The following DYM variants were observed in gnomAD, a reference collection of about 807,000 sequenced individuals.
The protein encoded by DYM is dymeclin, also known as dyggve-Melchior-Clausen syndrome protein.
Under a neutral mutation model 93.1 loss-of-function variants are expected in DYM, and 78 were observed. The ratio of observed to expected loss-of-function variants is 0.84; its 90% CI spans 0.70 to 1.01. The LOEUF is 1.01. Among genes scored for constraint, DYM ranks in the 50% least tolerant of loss-of-function variants. DYM has a pLI of 0.00. For missense variants in DYM, 789 were observed against 845.0 expected (o/e 0.93, Z 0.82); for synonymous variants, 321 against 319.7 (o/e 1.00, Z -0.04).
chr18:49,282,890 C>A (rs557490376), intron 9 of DYM, among the ~76,000 whole-genome samples: 6 of 152,044 alleles, frequency 3.9e-5, no homozygotes, highest in African/African-American at 7.2e-5. Flanking sequence ...ATAGAAAATT[C>A]TCTTTTAAGA....
At chr18:49,288,757 G>A (rs1237119799) in intron 8 of DYM, among the ~76,000 whole-genome samples, 10 of 151,768 alleles carry the variant, frequency 6.6e-5, no homozygotes, top group Admixed American at 6.6e-4. Flanking sequence ...TCCAGCCTGG[G>A]CGACAGAGTA....
intron 6 of DYM, among the ~76,000 whole-genome samples, chr18:49,353,762 G>C (rs536920732): frequency 8.1e-4 from 123 of 152,038 alleles, no homozygotes; most frequent in African/African-American, 2.8e-3. Context: ...ATAAAACTTT[G>C]ATGAAAGAAA....
intron 17 of DYM, among the ~76,000 whole-genome samples, chr18:49,055,508 A>T (rs749353750): frequency 6.6e-6 from 1 of 152,110 alleles, no homozygotes; most frequent in Non-Finnish European, 1.5e-5. Flanking sequence ...AAGGTAGGAG[A>T]TGGGGGCAAA....
intron 14 of DYM, among the ~76,000 whole-genome samples, chr18:49,174,128 T>C (rs1197988219): frequency 2.6e-5 from 4 of 152,162 alleles, no homozygotes; most frequent in Non-Finnish European, 5.9e-5. Context: ...AGTTTTCTTT[T>C]TAAGTCTAAT....
chr18:49,108,389 G>C (rs191721251), intron 16 of DYM, among the ~76,000 whole-genome samples: 1 of 152,208 alleles, frequency 6.6e-6, no homozygotes, highest in Non-Finnish European at 1.5e-5. Flanking sequence ...TTCGGCTCAC[G>C]CGCAGTGCGC....
At chr18:49,390,861 T>A (rs1471885544) in intron 3 of DYM, 2 of 153,320 alleles carry the variant, frequency 1.3e-5, no homozygotes, top group Admixed American at 6.5e-5. Flanking sequence ...TCCTGTACCC[T>A]AGGTATTTCA....
At position 49,335,399 on chromosome 18, in the gene DYM, T is replaced by C. The variant is rs182841091; in HGVS notation, c.495-1546A>G. On this transcript the variant is annotated intron_variant, in intron 6 of 17. Coordinates refer to ENST00000675505, the MANE Select transcript of DYM (RefSeq NM_001353214.3). ...AGAACCCAGAAGGTGGAGGTTGCAG[T>C]GAGCTGAGATTACACCACTGCACTC... is the stretch of plus-strand genomic sequence containing the variant. 1.7e-3 allele frequency among the ~76,000 whole-genome samples: 265 copies of C among 152,258 alleles called. 1 individual carries two copies. Among genetic ancestry groups the C allele is most frequent in the Non-Finnish European group, 8.5e-4 (58 of 68,022 alleles).
chr18:49,070,802 G>A (rs1237587575), intron 17 of DYM, among the ~76,000 whole-genome samples: 4 of 152,178 alleles, frequency 2.6e-5, no homozygotes, highest in Non-Finnish European at 5.9e-5. Context: ...TGTAGGAAAA[G>A]GAATGTTAGC....
chr18:49,377,521 C>T (rs1393683884), intron 5 of DYM, among the ~76,000 whole-genome samples: 1 of 152,060 alleles, frequency 6.6e-6, no homozygotes, highest in Non-Finnish European at 1.5e-5. Context: ...GATCGCACCA[C>T]TGCATTCCAG....
chr18:49,396,331 G>A lies in DYM; in HGVS notation c.141-4686C>T, dbSNP rs796522231. Among the ~76,000 whole-genome samples, 53 of 152,212 alleles carry A rather than the reference G, an allele frequency of 3.5e-4. 1 individual carries two copies. Among genetic ancestry groups the A allele is most frequent in the African/African-American group, 1.2e-3 (51 of 41,546 alleles). The stretch of plus-strand genomic sequence containing the variant: ...GAACTACCATATAATCCAATAATCC[G>A]ACTGTTGGGTATAAACATTGAGCAT... On this transcript the variant is annotated intron_variant, in intron 2 of 17. Transcript: ENST00000675505.
intron 1 of DYM, among the ~76,000 whole-genome samples, chr18:49,439,772 G>A (rs2081169760): frequency 6.6e-6 from 1 of 152,096 alleles, no homozygotes; most frequent in Admixed American, 6.5e-5. Flanking sequence ...GGGAGGCTAA[G>A]GTACAAGGAT....
chr18:49,069,550 G>T (rs937426596), intron 17 of DYM, among the ~76,000 whole-genome samples: 1 of 152,298 alleles, frequency 6.6e-6, no homozygotes, highest in Middle Eastern at 3.4e-3. Context: ...GAAAAGTAAG[G>T]CTTGTGTGTT....
rs145256840 is a variant in DYM, at chr18:49,449,989, G to C, written c.-54+10409C>G. ...GAGATCTCTAAAGTTTTATATGCAAGGCTTATAAAAACAGTGAAATGTGTT... is the reference window on the plus strand; with the variant it reads ...GAGATCTCTAAAGTTTTATATGCAACGCTTATAAAAACAGTGAAATGTGTT... On this transcript the variant is annotated intron_variant, in intron 1 of 17. Coordinates refer to ENST00000675505, the MANE Select transcript of DYM (RefSeq NM_001353214.3). Among the ~76,000 whole-genome samples, 9 of 152,110 alleles carry C rather than the reference G, an allele frequency of 5.9e-5. No individual in the cohort carries two copies. The East Asian group carries it at 1.5e-3, about 26-fold the overall frequency.
At chr18:49,135,374 A>G (rs140422960) in intron 15 of DYM, among the ~76,000 whole-genome samples, 4 of 152,328 alleles carry the variant, frequency 2.6e-5, no homozygotes, top group African/African-American at 9.6e-5. Flanking sequence ...TTAACAGGCC[A>G]GGCTCCTTAT....
chr18:49,452,213 C>T (rs1446232707), intron 1 of DYM, among the ~76,000 whole-genome samples: 3 of 152,150 alleles, frequency 2.0e-5, no homozygotes, highest in East Asian at 1.9e-4. Context: ...TTCGTGCTCT[C>T]GCTGGCTTAG....
At chr18:49,168,612 T>C (rs1193059478) in intron 14 of DYM, among the ~76,000 whole-genome samples, 4 of 152,182 alleles carry the variant, frequency 2.6e-5, no homozygotes, top group African/African-American at 9.7e-5. Context: ...CCTGGACTTT[T>C]ATTCTATTCG....
At chr18:49,367,447 T>C (rs2066622519) in intron 5 of DYM, among the ~76,000 whole-genome samples, 1 of 152,166 alleles carries the variant, frequency 6.6e-6, no homozygotes, top group South Asian at 2.1e-4. Context: ...TCAGCATCCA[T>C]TCAGCACCAT....
rs1305899424 is a variant in DYM, at chr18:49,394,887, A to AGT, written c.141-3243_141-3242insAC. On this transcript the variant is annotated intron_variant, in intron 2 of 17. Transcript: ENST00000675505. ...TTGACAAAGGCATCAAGAACACACA[A>AGT]TGGGGAAAGAACAATCTCTTCAACA... Among the ~76,000 whole-genome samples the AGT allele has an allele frequency of 1.7e-3, 263 of 152,328 alleles. 4 individuals are homozygous for AGT. The highest frequency in any genetic ancestry group is 5.3e-4 in the Non-Finnish European group (36 of 68,048).
At chr18:49,287,957 T>C (rs775584278) in intron 8 of DYM, among the ~76,000 whole-genome samples, 1 of 151,758 alleles carries the variant, frequency 6.6e-6, no homozygotes, top group Non-Finnish European at 1.5e-5. Flanking sequence ...AAAATACACA[T>C]GAAAATTTGA....
Sources: allele counts gnomAD v4.1 joint callset (sites outside exome capture counted in the v4.1 genomes callset), GRCh38; gene constraint gnomAD v4.1.1; transcripts MANE v1.5; gene names NCBI Gene and HGNC (gene_info 2026-07-23, HGNC 2026-07-21).